The following GOLM2 variants were observed in gnomAD, a reference collection of about 807,000 sequenced individuals.
GOLM2 encodes the protein protein GOLM2.
In GOLM2, 26 loss-of-function variants were observed where a neutral mutation model predicts 55.9. That is an observed-to-expected ratio of 0.47 (90% CI 0.34 to 0.65). The LOEUF is 0.65. Among genes scored for constraint, GOLM2 ranks in the 30% least tolerant of loss-of-function variants. The probability of loss-of-function intolerance (pLI) is 0.01; values close to 1 mark genes in which losing one functional copy is unlikely to be tolerated. For missense variants in GOLM2, 486 were observed against 531.8 expected (o/e 0.91, Z 0.85); for synonymous variants, 165 against 194.6 (o/e 0.85, Z 1.27).
intron 6 of GOLM2, among the ~76,000 whole-genome samples, chr15:44,363,450 C>T (rs1349430518): frequency 2.6e-5 from 4 of 152,190 alleles, no homozygotes; most frequent in African/African-American, 4.8e-5. Context: ...AAAATGCTCA[C>T]CATCACTGGC....
At chr15:44,375,878 C>CCT (rs2079361279) in intron 6 of GOLM2, among the ~76,000 whole-genome samples, 1 of 152,104 alleles carries the variant, frequency 6.6e-6, no homozygotes, top group Non-Finnish European at 1.5e-5. Context: ...TTGTTATATC[C>CCT]ATAAAAGTGT....
intron 2 of GOLM2, among the ~76,000 whole-genome samples, chr15:44,326,721 G>A (rs187844177): frequency 1.4e-5 from 2 of 147,468 alleles, no homozygotes; most frequent in South Asian, 2.2e-4. Flanking sequence ...GCATGATCTC[G>A]GTTTGCTGTA....
At chr15:44,386,090 TATCTA>T (rs2079442057) in intron 8 of GOLM2, among the ~76,000 whole-genome samples, 1 of 152,236 alleles carries the variant, frequency 6.6e-6, no homozygotes, top group African/African-American at 2.4e-5. Context: ...TTGAGTATCA[TATCTA>T]AGAAACCAGT....
At position 44,398,537 on chromosome 15, in the gene GOLM2, A is replaced by G. The variant is rs2079542174; in HGVS notation, c.1073-4350A>G. Among the ~76,000 whole-genome samples the G allele has an allele frequency of 2.0e-5, 3 of 152,200 alleles. No individual in the cohort carries two copies. The South Asian group carries it at 6.2e-4, about 32-fold the overall frequency. On this transcript the variant is annotated intron_variant, in intron 8 of 9. Coordinates refer to ENST00000299957, the MANE Select transcript of GOLM2 (RefSeq NM_138423.4). ...CAGTGAACCATGGATGGATGAAAGC[A>G]TTGTAGATACTTCCATTATACTTTG...
At chr15:44,363,066 G>A (rs1019975961) in intron 6 of GOLM2, among the ~76,000 whole-genome samples, 23 of 152,166 alleles carry the variant, frequency 1.5e-4, no homozygotes, top group Admixed American at 3.9e-4. Context: ...AGACTTAAAC[G>A]TTAGACCTAA....
intron 8 of GOLM2, among the ~76,000 whole-genome samples, chr15:44,389,069 G>T (rs996299445): frequency 6.6e-6 from 1 of 151,742 alleles, no homozygotes; most frequent in Non-Finnish European, 1.5e-5. Context: ...TGCCTGCCTC[G>T]GCCTCCCAAA....
intron 6 of GOLM2, among the ~76,000 whole-genome samples, chr15:44,372,766 A>G (rs2079336727): frequency 6.6e-6 from 1 of 152,066 alleles, no homozygotes; most frequent in Non-Finnish European, 1.5e-5. Flanking sequence ...AGTTTTTACT[A>G]TTGTGTCTCT....
intron 8 of GOLM2, among the ~76,000 whole-genome samples, chr15:44,385,375 C>T (rs1275518624): frequency 1.5e-5 from 2 of 129,258 alleles, no homozygotes; most frequent in Non-Finnish European, 3.2e-5. Context: ...TCCCTTCCTT[C>T]CTTCCCCCCG....
chr15:44,409,575 A>T (rs2079621997), intron 9 of GOLM2: 1 of 111,692 alleles, frequency 9.0e-6, no homozygotes, highest in African/African-American at 3.5e-5. Flanking sequence ...CGGCTACAAC[A>T]GCAAGACCCT....
At chr15:44,290,098 C>T (rs1426574036) in intron 1 of GOLM2, among the ~76,000 whole-genome samples, 1 of 152,110 alleles carries the variant, frequency 6.6e-6, no homozygotes, top group Non-Finnish European at 1.5e-5. Flanking sequence ...TTTTGTATAG[C>T]TAAGTTGCTA....
intron 2 of GOLM2, among the ~76,000 whole-genome samples, chr15:44,323,568 GAA>G (rs968987390): frequency 7.0e-6 from 1 of 142,588 alleles, no homozygotes; most frequent in Admixed American, 7.0e-5. Flanking sequence ...CTTTTATGGA[GAA>G]AAAAAAAAAG....
chr15:44,361,822 G>T (rs993507037), intron 6 of GOLM2, among the ~76,000 whole-genome samples: 11 of 152,142 alleles, frequency 7.2e-5, no homozygotes, highest in African/African-American at 2.7e-4. Flanking sequence ...GAATCCAGCA[G>T]CACATCAAAA....
At chr15:44,349,362 A>T (rs1454286543) in intron 6 of GOLM2, among the ~76,000 whole-genome samples, 1 of 152,148 alleles carries the variant, frequency 6.6e-6, no homozygotes, top group African/African-American at 2.4e-5. Flanking sequence ...AGCTATGCTT[A>T]AACAAAATGG....
intron 1 of GOLM2, among the ~76,000 whole-genome samples, chr15:44,309,084 T>G (rs2078857097): frequency 6.6e-6 from 1 of 152,126 alleles, no homozygotes; most frequent in Non-Finnish European, 1.5e-5. Context: ...AAAACTACAG[T>G]GAGATACTAT....
chr15:44,325,193 T>C (rs1378650875), intron 2 of GOLM2, among the ~76,000 whole-genome samples: 2 of 152,184 alleles, frequency 1.3e-5, no homozygotes, highest in Non-Finnish European at 2.9e-5. Context: ...TTTTGCTTTC[T>C]GGTCTTCTTA....
chr15:44,332,786 A>G (rs2141141466), intron 4 of GOLM2, among the ~76,000 whole-genome samples: 1 of 152,270 alleles, frequency 6.6e-6, no homozygotes, highest in South Asian at 2.1e-4. Context: ...CAGAAATGAG[A>G]CACTAGCCAC....
intron 8 of GOLM2, among the ~76,000 whole-genome samples, chr15:44,394,163 G>C (rs1022938036): frequency 6.6e-6 from 1 of 152,106 alleles, no homozygotes; most frequent in East Asian, 1.9e-4. Flanking sequence ...TCAGGCCTCA[G>C]GCATACAAAA....
intron 6 of GOLM2, among the ~76,000 whole-genome samples, chr15:44,369,965 G>T (rs1278243607): frequency 6.6e-6 from 1 of 152,124 alleles, no homozygotes; most frequent in Non-Finnish European, 1.5e-5. Context: ...GGAGCAAGGA[G>T]AGCCAGTCCA....
At position 44,414,790 on chromosome 15, in the gene GOLM2, G is replaced by A. The variant is rs2079662580; in HGVS notation, c.*1384G>A. The A allele has an allele frequency of 6.6e-6, 1 of 152,566 alleles. No individual in the cohort carries two copies. The allele number at this position is 152,566 out of a possible 1,614,324, so 9.5% of individuals were successfully genotyped here. ...ATCTTTGTAATTACTTAATATGTTAGTTAAGAACCCGTCAAGCTTATATTT... is the reference window on the plus strand; with the variant it reads ...ATCTTTGTAATTACTTAATATGTTAATTAAGAACCCGTCAAGCTTATATTT... On this transcript the variant is annotated 3_prime_UTR_variant, in exon 10 of 10. Transcript: ENST00000299957.
Sources: gnomAD v4.1 joint callset for allele counts (sites outside exome capture counted in the v4.1 genomes callset) on GRCh38, gnomAD v4.1.1 for gene constraint, MANE v1.5 for transcripts, NCBI Gene and HGNC (gene_info 2026-07-23, HGNC 2026-07-21) for gene names.